The following NTRK2 variants were observed in gnomAD, a reference collection of about 807,000 sequenced individuals.
NTRK2 encodes the protein neurotrophic receptor tyrosine kinase 2, also known as BDNF/NT-3 growth factors receptor.
NTRK2 carries 13 observed loss-of-function variants against 94.5 expected under a neutral mutation model. The observed-to-expected ratio is 0.14, with a 90% CI of 0.09 to 0.22. The LOEUF (loss-of-function observed/expected upper bound fraction) is 0.22. Ranked by LOEUF, NTRK2 falls within the 10% of genes least tolerant of loss-of-function variation. The pLI, the probability that NTRK2 is intolerant of heterozygous loss-of-function variation, is 1.00. For missense variants in NTRK2, 639 were observed against 1,071.2 expected (o/e 0.60, Z 5.63); for synonymous variants, 372 against 407.4 (o/e 0.91, Z 1.05).
At position 84,891,649 on chromosome 9, in the gene NTRK2, C is replaced by T. The variant is rs1049721547; in HGVS notation, c.1633+24218C>T. 7.2e-5 allele frequency among the ~76,000 whole-genome samples: 11 copies of T among 152,128 alleles called. No individual in the cohort carries two copies. The South Asian group carries it at 1.2e-3, about 17-fold the overall frequency. ...GGGACCCAGTAGGGCGGATCTGGGA[C>T]GAGAGTAGAATACAGATGGTTAGTC... is the stretch of plus-strand genomic sequence containing the variant. On this transcript the variant is annotated intron_variant, in intron 14 of 18. Coordinates refer to ENST00000277120, the MANE Select transcript of NTRK2 (RefSeq NM_006180.6).
chr9:84,702,471 TC>T (rs1564085210), intron 4 of NTRK2, 52 bp downstream of exon 4: 1 of 1,444,876 alleles, frequency 6.9e-7, no homozygotes, highest in South Asian at 1.1e-5. Context: ...ATTCAATATT[TC>T]CCCCCTCTGT....
chr9:84,887,060 A>G (rs564924535), intron 14 of NTRK2, among the ~76,000 whole-genome samples: 2 of 152,340 alleles, frequency 1.3e-5, no homozygotes, highest in East Asian at 3.9e-4. Context: ...TGAACAAAAG[A>G]TAAGATTCAG....
rs569692764 is a variant in NTRK2 at position 84,855,219 on chromosome 9, G to A, written c.1397-5821G>A. On this transcript the variant is annotated intron_variant, in intron 12 of 18. Coordinates refer to ENST00000277120, the MANE Select transcript of NTRK2 (RefSeq NM_006180.6). ...TTTATACTTGAAAATGGTTACTCTG[G>A]CAGCTCATGGGAAACAGATTGGGGG... is the stretch of plus-strand genomic sequence containing the variant. 2.7e-4 allele frequency among the ~76,000 whole-genome samples: 41 copies of A among 152,290 alleles called. 1 individual carries two copies. Among genetic ancestry groups the A allele is most frequent in the African/African-American group, 9.9e-4 (41 of 41,558 alleles).
At chr9:84,872,787 C>T (rs1027989665) in intron 14 of NTRK2, 10 of 1,064,214 alleles carry the variant, frequency 9.4e-6, no homozygotes, top group Non-Finnish European at 1.1e-5. Context: ...TGTAAATAAG[C>T]ACAGATTCAT....
intron 12 of NTRK2, among the ~76,000 whole-genome samples, chr9:84,833,755 A>G (rs1041753005): frequency 2.6e-5 from 4 of 152,152 alleles, no homozygotes; most frequent in Non-Finnish European, 4.4e-5. Flanking sequence ...TTGGAGCTTC[A>G]TAGCAGCTTC....
chr9:84,978,292 G>A (rs1054738132), intron 17 of NTRK2, among the ~76,000 whole-genome samples: 4 of 152,224 alleles, frequency 2.6e-5, no homozygotes, highest in Admixed American at 2.0e-4. Context: ...GGAAATTAAA[G>A]TGCTGCTCCA....
chr9:84,976,191 G>GAA (rs1564518252), intron 17 of NTRK2, among the ~76,000 whole-genome samples: 1 of 152,116 alleles, frequency 6.6e-6, no homozygotes, highest in East Asian at 1.9e-4. Flanking sequence ...CACACCCCTG[G>GAA]AGGCTAGAAG....
intron 17 of NTRK2, among the ~76,000 whole-genome samples, chr9:84,959,801 G>C (rs551399755): frequency 9.2e-5 from 14 of 152,288 alleles, no homozygotes; most frequent in African/African-American, 2.9e-4. Flanking sequence ...GTCACATTCT[G>C]CCTGTTGGAG....
chr9:84,902,039 C>CA (rs1181769626), intron 14 of NTRK2, among the ~76,000 whole-genome samples: 6 of 151,610 alleles, frequency 4.0e-5, no homozygotes, highest in Non-Finnish European at 7.4e-5. Context: ...ACTAAAAATA[C>CA]AAAAAAATTA....
At chr9:84,747,331 T>C (rs1244419889) in intron 11 of NTRK2, among the ~76,000 whole-genome samples, 2 of 152,178 alleles carry the variant, frequency 1.3e-5, no homozygotes, top group South Asian at 4.1e-4. Flanking sequence ...TCCTGCCGTA[T>C]GCAATCATTT....
At chr9:84,887,998 T>A (rs17087825) in intron 14 of NTRK2, among the ~76,000 whole-genome samples, 2 of 151,632 alleles carry the variant, frequency 1.3e-5, no homozygotes, top group Non-Finnish European at 2.9e-5. Flanking sequence ...ACAAAACCCA[T>A]TTTTTTTAAA....
chr9:84,806,983 A>G (rs1564320356), intron 12 of NTRK2, among the ~76,000 whole-genome samples: 1 of 152,236 alleles, frequency 6.6e-6, no homozygotes, highest in Non-Finnish European at 1.5e-5. Context: ...ATCATCTCCA[A>G]TGGCACCATG....
chr9:84,920,310 T>G (rs542462601), intron 14 of NTRK2, among the ~76,000 whole-genome samples: 18 of 152,330 alleles, frequency 1.2e-4, no homozygotes, highest in African/African-American at 4.3e-4. Flanking sequence ...GGTCCTCACT[T>G]TCTTTGCAGA....
At chr9:84,758,811 T>C (rs950589884) in intron 12 of NTRK2, among the ~76,000 whole-genome samples, 1 of 152,256 alleles carries the variant, frequency 6.6e-6, no homozygotes, top group Admixed American at 6.5e-5. Context: ...AATAATAATA[T>C]TTTAAATTTC....
chr9:84,797,543 A>AT (rs67578078), intron 12 of NTRK2, among the ~76,000 whole-genome samples: 10,693 of 66,150 alleles, frequency 0.16, 1,804 homozygotes, highest in African/African-American at 0.36. Context: ...TGTATATATA[A>AT]TATATATATT....
intron 12 of NTRK2, among the ~76,000 whole-genome samples, chr9:84,768,799 G>A (rs1269377488): frequency 1.3e-5 from 2 of 152,120 alleles, no homozygotes; most frequent in African/African-American, 4.8e-5. Context: ...CCAAGAAGCA[G>A]GGTGGGTGGC....
intron 12 of NTRK2, among the ~76,000 whole-genome samples, chr9:84,764,468 G>A (rs1221214621): frequency 6.6e-6 from 1 of 152,126 alleles, no homozygotes; most frequent in Non-Finnish European, 1.5e-5. Flanking sequence ...GTTCTGTCTT[G>A]ATGACTCTTC....
At chr9:84,821,125 C>CT (rs545616075) in intron 12 of NTRK2, among the ~76,000 whole-genome samples, 4 of 151,906 alleles carry the variant, frequency 2.6e-5, no homozygotes, top group South Asian at 2.1e-4. Flanking sequence ...TCTCTTTTAT[C>CT]TTTTTTTAAA....
Position 84,784,252 on chromosome 9 carries a change from C to T in NTRK2, c.1396+32167C>T, listed in dbSNP as rs560849142. 2.0e-5 allele frequency among the ~76,000 whole-genome samples: 3 copies of T among 152,288 alleles called. No homozygotes were observed. The South Asian group carries it at 6.2e-4, about 32-fold the overall frequency. On this transcript the variant is annotated intron_variant, in intron 12 of 18. Coordinates refer to ENST00000277120, the MANE Select transcript of NTRK2 (RefSeq NM_006180.6). ...AATAATTGTGCATATTTATGAGATA[C>T]ATAGTGATGCGTGATACAAATAATG...
Sources: gnomAD v4.1 joint callset for allele counts (sites outside exome capture counted in the v4.1 genomes callset) on GRCh38, gnomAD v4.1.1 for gene constraint, MANE v1.5 for transcripts, NCBI Gene and HGNC (gene_info 2026-07-23, HGNC 2026-07-21) for gene names.